CCSER1: variants seen among roughly 807,000 people sequenced by gnomAD.
CCSER1 encodes coiled-coil serine rich protein 1.
A neutral mutation model predicts 82.0 loss-of-function variants in CCSER1; 41 were observed. That is an observed-to-expected ratio of 0.50 (90% CI 0.39 to 0.65). CCSER1 has a LOEUF of 0.65. Among genes scored for constraint, CCSER1 ranks in the 30% least tolerant of loss-of-function variants. The pLI is 0.00. For missense variants in CCSER1, 1,119 were observed against 1,064.2 expected (o/e 1.05, Z -0.72); for synonymous variants, 414 against 383.9 (o/e 1.08, Z -0.92).
chr4:91,091,969 G>C (rs976453216), intron 10 of CCSER1, among the ~76,000 whole-genome samples: 4 of 152,080 alleles, frequency 2.6e-5, no homozygotes, highest in African/African-American at 9.7e-5. Flanking sequence ...TCCAACTCTT[G>C]GGGAGTACCT....
intron 8 of CCSER1, among the ~76,000 whole-genome samples, chr4:90,896,917 A>G (rs1223425711): frequency 1.3e-5 from 2 of 152,002 alleles, no homozygotes; most frequent in African/African-American, 2.4e-5. Flanking sequence ...AGATTTATCA[A>G]ATAACATAAC....
intron 1 of CCSER1, among the ~76,000 whole-genome samples, chr4:90,293,734 C>T (rs1023468284): frequency 6.6e-6 from 1 of 151,046 alleles, no homozygotes; most frequent in Non-Finnish European, 1.5e-5. Flanking sequence ...AGTAAACAAA[C>T]GAACCATTAT....
chr4:91,376,622 T>C (rs571624840), intron 10 of CCSER1, among the ~76,000 whole-genome samples: 2 of 152,136 alleles, frequency 1.3e-5, no homozygotes, highest in South Asian at 2.1e-4. Context: ...GTTATGCAAA[T>C]TAAAGAAAAA....
At chr4:90,151,621 A>G (rs1282453379) in intron 1 of CCSER1, among the ~76,000 whole-genome samples, 1 of 152,134 alleles carries the variant, frequency 6.6e-6, no homozygotes, top group African/African-American at 2.4e-5. Context: ...TGTGATTAAG[A>G]AAACTAATGA....
chr4:91,419,723 CA>C (rs572032965), intron 10 of CCSER1, among the ~76,000 whole-genome samples: 2 of 151,848 alleles, frequency 1.3e-5, no homozygotes, highest in Non-Finnish European at 2.9e-5. Flanking sequence ...TATGGAGCCA[CA>C]AAAGTCCAAT....
chr4:90,984,236 C>T (rs1736383795), intron 9 of CCSER1, among the ~76,000 whole-genome samples: 1 of 151,686 alleles, frequency 6.6e-6, no homozygotes. Flanking sequence ...TGCAATGTAC[C>T]GAGTACTGTG....
Position 91,444,410 on chromosome 4 carries a change from C to G in CCSER1, c.2218-154162C>G, listed in dbSNP as rs142248996. On this transcript the variant is annotated intron_variant, in intron 10 of 10. Coordinates refer to ENST00000509176, the MANE Select transcript of CCSER1 (RefSeq NM_001145065.2). ...GGAAAGCAAAGTGATGCAAGATTCA[C>G]GAACACACTGAGCACAAATCATTTT... is the stretch of plus-strand genomic sequence containing the variant. Among the ~76,000 whole-genome samples, 225 of 151,964 alleles carry G rather than the reference C, an allele frequency of 1.5e-3. 1 individual carries two copies. Among genetic ancestry groups the G allele is most frequent in the Admixed American group, 0.014 (218 of 15,254 alleles).
At chr4:90,218,702 G>A (rs779965571) in intron 1 of CCSER1, among the ~76,000 whole-genome samples, 17 of 151,998 alleles carry the variant, frequency 1.1e-4, no homozygotes, top group Non-Finnish European at 2.2e-4. Flanking sequence ...AACATGATAC[G>A]AAAACCTGAA....
intron 10 of CCSER1, among the ~76,000 whole-genome samples, chr4:91,363,266 C>G (rs192211334): frequency 6.6e-6 from 1 of 151,266 alleles, no homozygotes; most frequent in Non-Finnish European, 1.5e-5. Flanking sequence ...CTATAGTTTA[C>G]GTCTAGCAGA....
At chr4:90,716,744 T>A (rs1243976658) in intron 6 of CCSER1, among the ~76,000 whole-genome samples, 3 of 151,484 alleles carry the variant, frequency 2.0e-5, no homozygotes, top group Non-Finnish European at 4.4e-5. Flanking sequence ...CTAAGCTATC[T>A]AGGTTTGTAT....
At chr4:90,842,863 T>C (rs1762742956) in intron 8 of CCSER1, among the ~76,000 whole-genome samples, 1 of 151,710 alleles carries the variant, frequency 6.6e-6, no homozygotes, top group Admixed American at 6.6e-5. Context: ...GCATTATTAA[T>C]GGTTCCCTTT....
At chr4:90,693,134 A>G (rs1451475783) in intron 6 of CCSER1, among the ~76,000 whole-genome samples, 1 of 152,046 alleles carries the variant, frequency 6.6e-6, no homozygotes. Context: ...TGAGTCTTCA[A>G]ATTCTCTCTT....
chr4:91,482,536 T>C (rs1449117835), intron 10 of CCSER1, among the ~76,000 whole-genome samples: 5 of 151,646 alleles, frequency 3.3e-5, no homozygotes, highest in Admixed American at 6.6e-5. Context: ...GACAGTGTGG[T>C]GATTCCTCAA....
At chr4:90,444,671 T>A (rs1760377567) in intron 4 of CCSER1, among the ~76,000 whole-genome samples, 1 of 152,076 alleles carries the variant, frequency 6.6e-6, no homozygotes, top group South Asian at 2.1e-4. Context: ...TATATCTCAT[T>A]TTATTTTCTC....
At chr4:90,445,828 T>G (rs1230231908) in intron 4 of CCSER1, among the ~76,000 whole-genome samples, 4 of 152,162 alleles carry the variant, frequency 2.6e-5, no homozygotes, top group African/African-American at 9.6e-5. Flanking sequence ...CACAGAATGT[T>G]GCTATATATC....
chr4:91,003,847 G>A (rs1409572773), intron 9 of CCSER1, among the ~76,000 whole-genome samples: 1 of 152,180 alleles, frequency 6.6e-6, no homozygotes, highest in Non-Finnish European at 1.5e-5. Context: ...CCTCTGAGAG[G>A]CAGGGAAGAA....
chr4:90,642,783 AG>A (rs1285860468), intron 6 of CCSER1, among the ~76,000 whole-genome samples: 1 of 152,146 alleles, frequency 6.6e-6, no homozygotes, highest in East Asian at 1.9e-4. Flanking sequence ...TGAGCCCAGG[AG>A]TTTGAGGCTG....
intron 10 of CCSER1, among the ~76,000 whole-genome samples, chr4:91,420,649 A>C (rs544835106): frequency 6.6e-6 from 1 of 152,270 alleles, no homozygotes; most frequent in South Asian, 2.1e-4. Context: ...AAAGATGAAA[A>C]ATAGAATTAC....
At chr4:90,305,807 A>G (rs932978565) in intron 1 of CCSER1, among the ~76,000 whole-genome samples, 9 of 152,198 alleles carry the variant, frequency 5.9e-5, no homozygotes, top group Admixed American at 5.2e-4. Context: ...CTACCATATG[A>G]TCCAGCAATC....
Sources: gnomAD v4.1 joint callset for allele counts (sites outside exome capture counted in the v4.1 genomes callset) on GRCh38, gnomAD v4.1.1 for gene constraint, MANE v1.5 for transcripts, NCBI Gene and HGNC (gene_info 2026-07-23, HGNC 2026-07-21) for gene names.